The following BRIP1 variants were observed in gnomAD, a reference collection of about 807,000 sequenced individuals.
BRIP1 encodes the protein Fanconi anemia group J protein.
A neutral mutation model predicts 119.7 loss-of-function variants in BRIP1; 88 were observed. The ratio of observed to expected loss-of-function variants is 0.74; its 90% CI spans 0.62 to 0.88. The LOEUF (loss-of-function observed/expected upper bound fraction) is 0.88, where lower values mean the gene tolerates loss of function less well. Ranked by LOEUF, BRIP1 falls within the 40% of genes least tolerant of loss-of-function variation. The pLI, the probability that BRIP1 is intolerant of heterozygous loss-of-function variation, is 0.00. For missense variants in BRIP1, 1,259 were observed against 1,455.4 expected (o/e 0.87, Z 2.20); for synonymous variants, 443 against 496.5 (o/e 0.89, Z 1.43).
chr17:61,814,457 A>C lies in BRIP1; in HGVS notation c.628-5700T>G, dbSNP rs1456675299. On this transcript the variant is annotated intron_variant, in intron 6 of 19. Coordinates refer to ENST00000259008, the MANE Select transcript of BRIP1 (RefSeq NM_032043.3). This position sits in a 1 kb window ranked among gnomAD's most constrained non-coding sequence, Gnocchi z 4.9. Reference sequence around the variant, plus strand: ...AAACCAAGAACAGGCAAATCACAGAAGAGAAAAGCTGAAAGGCTAATAAAT... The same window carrying C: ...AAACCAAGAACAGGCAAATCACAGACGAGAAAAGCTGAAAGGCTAATAAAT... Among the ~76,000 whole-genome samples the C allele has an allele frequency of 6.6e-6, 1 of 152,106 alleles. No homozygotes were observed. The highest frequency in any genetic ancestry group is 2.4e-5 in the African/African-American group (1 of 41,462).
At chr17:61,688,071 G>A (rs1415620096) in intron 18 of BRIP1, among the ~76,000 whole-genome samples, 2 of 152,188 alleles carry the variant, frequency 1.3e-5, no homozygotes, top group Admixed American at 6.5e-5. Flanking sequence ...CCTGGAGTGT[G>A]CATCCAACAT....
rs535084036 is a variant in BRIP1, at chr17:61,696,125, CTAAG to C, written c.2493-2617_2493-2614del. Reference sequence around the variant, plus strand: ...CTTTTAATAGATGACCTCATTAAAGCTAAGTAAGTAACCTTATATTCCCACTTTG... The same window carrying C: ...CTTTTAATAGATGACCTCATTAAAGCTAAGTAACCTTATATTCCCACTTTG... On this transcript the variant is annotated intron_variant, in intron 17 of 19. Transcript: ENST00000259008. Among the ~76,000 whole-genome samples the C allele has an allele frequency of 1.8e-3, 279 of 150,906 alleles. 1 individual carries two copies. The highest frequency in any genetic ancestry group is 6.0e-3 in the African/African-American group (248 of 41,136).
chr17:61,784,210 G>T, intron 11 of BRIP1, 60 bp downstream of exon 11: 1 of 1,486,078 alleles, frequency 6.7e-7, no homozygotes, highest in East Asian at 2.3e-5. Context: ...TTAAACACAT[G>T]CTAGCATCCA....
intron 6 of BRIP1, among the ~76,000 whole-genome samples, chr17:61,820,532 T>C (rs936795273): frequency 6.6e-6 from 1 of 152,226 alleles, no homozygotes; most frequent in African/African-American, 2.4e-5. Flanking sequence ...ATGAGACATA[T>C]ACTCTCAAGG....
In BRIP1 at chr17:61,720,822, C is replaced by T. The variant is rs189422991; in HGVS notation, c.2380-4759G>A. On this transcript the variant is annotated intron_variant, in intron 16 of 19. Coordinates refer to ENST00000259008, the MANE Select transcript of BRIP1 (RefSeq NM_032043.3). The surrounding 1 kb of genome is among the most constrained non-coding windows in gnomAD (Gnocchi z 4.3). ...ACTCAAGAAAAAACAAAGTATTTTC[C>T]GTGTACTCTATAACACTGTTAACTT... 1.3e-5 allele frequency among the ~76,000 whole-genome samples: 2 copies of T among 152,180 alleles called. No individual in the cohort carries two copies. The highest frequency in any genetic ancestry group is 3.9e-4 in the East Asian group (2 of 5,190).
rs786202941 is a variant in BRIP1 at position 61,776,400 on chromosome 17, C to T, written c.2097+1G>A. 6.2e-7 allele frequency: 1 copy of T among 1,614,030 alleles called. No homozygotes were observed. Among genetic ancestry groups the T allele is most frequent in the Non-Finnish European group, 8.5e-7 (1 of 1,179,948 alleles). ...AAAAGAAACAATAAATATTCCCTTA[C>T]CTTGTAAGATGGCAAGAAACACAAA... On this transcript the variant is annotated splice_donor_variant, in intron 14 of 19. Coordinates refer to ENST00000259008, the MANE Select transcript of BRIP1 (RefSeq NM_032043.3). LOFTEE classifies it high-confidence loss of function. This position sits in a 1 kb window ranked among gnomAD's most constrained non-coding sequence, Gnocchi z 5.0.
chr17:61,813,359 T>C (rs1478130250), intron 6 of BRIP1, among the ~76,000 whole-genome samples: 2 of 152,098 alleles, frequency 1.3e-5, no homozygotes, highest in Admixed American at 6.5e-5. Flanking sequence ...AGAAACTATG[T>C]CTTACATTTC....
intron 14 of BRIP1, among the ~76,000 whole-genome samples, chr17:61,772,160 TATATATATATA>T (rs1567804527): frequency 2.0e-3 from 2 of 1,008 alleles, no homozygotes; most frequent in Non-Finnish European, 3.7e-3. Flanking sequence ...TGTGAGATTA[TATATATATATA>T]TATATATATA....
intron 5 of BRIP1, among the ~76,000 whole-genome samples, chr17:61,847,874 C>G (rs1054638054): frequency 2.0e-5 from 3 of 152,060 alleles, no homozygotes; most frequent in African/African-American, 7.2e-5. Context: ...AAATGAGAAC[C>G]AGTGAAGTGA....
At chr17:61,859,990 C>T in intron 2 of BRIP1, 83 bp from the exon 3 acceptor site, 1 of 962,868 alleles carries the variant, frequency 1.0e-6, no homozygotes, top group Non-Finnish European at 1.6e-6. Context: ...AATAGAACAG[C>T]AAGGAAAAGT....
chr17:61,818,986 G>C (rs1481799383), intron 6 of BRIP1, among the ~76,000 whole-genome samples: 1 of 152,038 alleles, frequency 6.6e-6, no homozygotes, highest in Non-Finnish European at 1.5e-5. Context: ...AGTAGTTCGA[G>C]ACCAGCCTGG....
chr17:61,723,425 TGTAA>T (rs1203943429), intron 16 of BRIP1, among the ~76,000 whole-genome samples: 2 of 152,238 alleles, frequency 1.3e-5, no homozygotes. Flanking sequence ...TCTGCCATCT[TGTAA>T]CTGTCAAAGA....
rs1457869893 is a variant in BRIP1, at chr17:61,693,516, G to GA, written c.2493-5dup. 3.7e-6 allele frequency: 6 copies of GA among 1,603,780 alleles called. No individual in the cohort carries two copies. The highest frequency in any genetic ancestry group is 3.3e-5 in the Admixed American group (2 of 59,938). On this transcript the variant is annotated splice_region_variant and splice_polypyrimidine_tract_variant and intron_variant, in intron 17 of 19. Coordinates refer to ENST00000259008, the MANE Select transcript of BRIP1 (RefSeq NM_032043.3). The surrounding 1 kb of genome is among the most constrained non-coding windows in gnomAD (Gnocchi z 4.2). ...ATCATTTCTGTGTCTAATACATCTA[G>GA]AAAAAATAGGGAAAAAGTCAAATAA...
At chr17:61,855,899 T>C (rs1249872730) in intron 4 of BRIP1, among the ~76,000 whole-genome samples, 1 of 152,042 alleles carries the variant, frequency 6.6e-6, no homozygotes, top group Non-Finnish European at 1.5e-5. Context: ...TAACAAGTGC[T>C]ATAAAGGAAA....
chr17:61,693,637 T>C lies in BRIP1; in HGVS notation c.2493-125A>G. The C allele has an allele frequency of 1.3e-6, 1 of 793,884 alleles. No homozygotes were observed. Among genetic ancestry groups the C allele is most frequent in the Non-Finnish European group, 2.1e-6 (1 of 480,492 alleles). 49.2% of individuals were successfully genotyped at this position (793,884 alleles called of 1,614,324 possible). A position where few individuals can be genotyped will look rare whatever the true frequency, so the allele number is the denominator to read the frequency against. ...GATTCCTTTAAACAATTTGTTATTA[T>C]CAGAAAAGTTACAGAAGCTATCCAA... On this transcript the variant is annotated intron_variant, in intron 17 of 19. Transcript: ENST00000259008. The surrounding 1 kb of genome is among the most constrained non-coding windows in gnomAD (Gnocchi z 4.2).
chr17:61,789,597 G>A lies in BRIP1; in HGVS notation c.1473+4000C>T, dbSNP rs1603339162. ...CAATTCATAAGGGATGTTCATATCA[G>A]AACTGTTTATTATACTGGGAAACTG... On this transcript the variant is annotated intron_variant, in intron 10 of 19. Coordinates refer to ENST00000259008, the MANE Select transcript of BRIP1 (RefSeq NM_032043.3). The surrounding 1 kb of genome is among the most constrained non-coding windows in gnomAD (Gnocchi z 4.8). Among the ~76,000 whole-genome samples, 1 of 152,070 alleles carries A rather than the reference G, an allele frequency of 6.6e-6. No individual in the cohort carries two copies. Among genetic ancestry groups the A allele is most frequent in the South Asian group, 2.1e-4 (1 of 4,836 alleles).
At position 61,825,086 on chromosome 17, in the gene BRIP1, C is replaced by T. The variant is rs1311992556; in HGVS notation, c.628-16329G>A. Among the ~76,000 whole-genome samples the T allele has an allele frequency of 6.6e-6, 1 of 151,900 alleles. No individual in the cohort carries two copies. The highest frequency in any genetic ancestry group is 6.6e-5 in the Admixed American group (1 of 15,250). On this transcript the variant is annotated intron_variant, in intron 6 of 19. Coordinates refer to ENST00000259008, the MANE Select transcript of BRIP1 (RefSeq NM_032043.3). The surrounding 1 kb of genome is among the most constrained non-coding windows in gnomAD (Gnocchi z 4.1). ...GGATCGCAAGGTCAGGAGATCGAGACCATCCTAGCTAACATGGTGAAATCC... is the reference window on the plus strand; with the variant it reads ...GGATCGCAAGGTCAGGAGATCGAGATCATCCTAGCTAACATGGTGAAATCC...
chr17:61,768,714 A>G lies in BRIP1; in HGVS notation c.2097+7687T>C, dbSNP rs2077405520. Among the ~76,000 whole-genome samples the G allele has an allele frequency of 6.6e-6, 1 of 152,186 alleles. No individual in the cohort carries two copies. Among genetic ancestry groups the G allele is most frequent in the South Asian group, 2.1e-4 (1 of 4,830 alleles). On this transcript the variant is annotated intron_variant, in intron 14 of 19. Transcript: ENST00000259008. The surrounding 1 kb of genome is among the most constrained non-coding windows in gnomAD (Gnocchi z 5.0). ...TTCCTACTCCCTATATACAACCTGC[A>G]TAAACTTCTCCCCGTTGTGAGATAA...
chr17:61,856,889 G>A lies in BRIP1; in HGVS notation c.379+169C>T, dbSNP rs374225367. The stretch of plus-strand genomic sequence containing the variant: ...AAAGTCAAACCAAGAATTTAAAAAC[G>A]TCTATGGATTTTTGACCACTCTGTG... On this transcript the variant is annotated intron_variant, in intron 4 of 19. Transcript: ENST00000259008. This position sits in a 1 kb window ranked among gnomAD's most constrained non-coding sequence, Gnocchi z 5.1. Among the ~76,000 whole-genome samples, 8 of 152,030 alleles carry A rather than the reference G, an allele frequency of 5.3e-5. No individual in the cohort carries two copies. The highest frequency in any genetic ancestry group is 2.1e-4 in the South Asian group (1 of 4,834).
Sources: allele counts gnomAD v4.1 joint callset (sites outside exome capture counted in the v4.1 genomes callset), GRCh38; gene constraint gnomAD v4.1.1; non-coding constraint Gnocchi (gnomAD v3.1); transcripts MANE v1.5; gene names NCBI Gene and HGNC (gene_info 2026-07-23, HGNC 2026-07-21).